CMTM4: variants seen among roughly 807,000 people sequenced by gnomAD.
CMTM4 encodes the protein CKLF-like MARVEL transmembrane domain-containing protein 4.
A neutral mutation model predicts 19.0 loss-of-function variants in CMTM4; 8 were observed. The observed-to-expected ratio is 0.42, with a 90% CI of 0.25 to 0.76. The LOEUF (loss-of-function observed/expected upper bound fraction) is 0.76. CMTM4 is among the 30% of genes least tolerant of loss of function. The pLI is 0.27. For missense variants in CMTM4, 228 were observed against 290.2 expected, an observed-to-expected ratio of 0.79 and a Z score of 1.56; for synonymous variants, 106 against 121.1, an observed-to-expected ratio of 0.88 and a Z score of 0.82.
downstream of CMTM4, chr16:66,611,150 T>C (rs2015361502): frequency 1.8e-5 from 6 of 326,716 alleles, no homozygotes; most frequent in South Asian, 1.6e-4. Context: ...TCTTGACTTA[T>C]ATGTTAGAAT....
At chr16:66,624,268 C>T (rs2015693121) in intron 2 of CMTM4, among the ~76,000 whole-genome samples, 1 of 152,212 alleles carries the variant, frequency 6.6e-6, no homozygotes, top group African/African-American at 2.4e-5. Context: ...GCTACAGTGG[C>T]CTACATATTT....
chr16:66,613,821 G>A (rs1420081229), downstream of CMTM4: 1 of 152,266 alleles, frequency 6.6e-6, no homozygotes, highest in African/African-American at 2.4e-5. Flanking sequence ...AGTACAAACT[G>A]GTAACACCAA....
chr16:66,675,075 A>ATTT (rs1027116046), intron 1 of CMTM4, among the ~76,000 whole-genome samples: 16 of 142,574 alleles, frequency 1.1e-4, no homozygotes, highest in African/African-American at 3.6e-4. Context: ...ACTTAAAAAA[A>ATTT]TTTTTTTTTT....
intron 1 of CMTM4, among the ~76,000 whole-genome samples, chr16:66,656,929 A>G (rs778234243): frequency 4.6e-5 from 7 of 152,188 alleles, no homozygotes; most frequent in Non-Finnish European, 1.0e-4. Context: ...AAGGCTAAAG[A>G]ACTATCCCAG....
At position 66,696,274 on chromosome 16, in the gene CMTM4, C is replaced by T. The variant is rs2017232939; in HGVS notation, c.186+66G>A. ...CGGGTACGCGGCGGAGGCCCCGCAG[C>T]GGGGCGGGGAGGGAGGCGTGCGGCT... On this transcript the variant is annotated intron_variant, in intron 1 of 3. Coordinates refer to ENST00000394106, the MANE Select transcript of CMTM4 (RefSeq NM_181521.3). This position sits in a 1 kb window ranked among gnomAD's most constrained non-coding sequence, Gnocchi z 4.3. 2 of 1,152,474 alleles carry T rather than the reference C, an allele frequency of 1.7e-6. No homozygotes were observed. The highest frequency in any genetic ancestry group is 1.1e-6 in the Non-Finnish European group (1 of 907,726). The allele number at this position is 1,152,474 out of a possible 1,614,324, so 71.4% of individuals were successfully genotyped here.
At chr16:66,628,899 T>C (rs1596908497) in intron 2 of CMTM4, among the ~76,000 whole-genome samples, 1 of 152,378 alleles carries the variant, frequency 6.6e-6, no homozygotes, top group East Asian at 1.9e-4. Flanking sequence ...TTATTATAGA[T>C]AATGTAGCTA....
Position 66,621,559 on chromosome 16 carries a change from C to T in CMTM4, c.*499G>A. The T allele has an allele frequency of 1.0e-6, 1 of 988,920 alleles. No individual in the cohort carries two copies. The highest frequency in any genetic ancestry group is 1.2e-6 in the Non-Finnish European group (1 of 831,722). The allele number at this position is 988,920 out of a possible 1,614,324, so 61.3% of individuals were successfully genotyped here. On this transcript the variant is annotated 3_prime_UTR_variant, in exon 4 of 4. Transcript: ENST00000394106. ...CAGCCCTGTGGCCTTTGGGCTGGTG[C>T]TGGCTGCCTGGGGGCCCTGGCATGG...
intron 1 of CMTM4, among the ~76,000 whole-genome samples, chr16:66,690,794 C>T (rs1206445621): frequency 6.6e-6 from 1 of 152,138 alleles, no homozygotes; most frequent in African/African-American, 2.4e-5. Flanking sequence ...TCAAAATCAG[C>T]TGAGCTAAAA....
rs35127974 is a variant in CMTM4 at position 66,680,773 on chromosome 16, CAAAAAAAAAAAAA to C, written c.186+15554_186+15566del. 2.5e-4 allele frequency among the ~76,000 whole-genome samples: 8 copies of C among 32,284 alleles called. No individual in the cohort carries two copies. The East Asian group carries it at 5.4e-3, about 22-fold the overall frequency. The allele number at this position is 32,284 out of a possible 152,430, so 21.2% of individuals were successfully genotyped here. A position where few individuals can be genotyped will look rare whatever the true frequency, so the allele number is the denominator to read the frequency against. On this transcript the variant is annotated intron_variant, in intron 1 of 3. Transcript: ENST00000394106. ...TGGGCAACAGAGCAAGACTCCGTCT[CAAAAAAAAAAAAA>C]AAAAAAAAAAAAAACCATAATGGCC...
At chr16:66,641,194 A>G (rs1235560629) in intron 1 of CMTM4, among the ~76,000 whole-genome samples, 1 of 152,118 alleles carries the variant, frequency 6.6e-6, no homozygotes, top group East Asian at 1.9e-4. Context: ...ACAGGGGCAC[A>G]CCACCATGCC....
chr16:66,642,260 T>A (rs2016109141), intron 1 of CMTM4, among the ~76,000 whole-genome samples: 1 of 152,162 alleles, frequency 6.6e-6, no homozygotes, highest in Admixed American at 6.5e-5. Flanking sequence ...AACCTTGAAG[T>A]GAGCAAATGT....
intron 2 of CMTM4, among the ~76,000 whole-genome samples, chr16:66,632,374 G>A (rs377504728): frequency 2.6e-4 from 39 of 152,302 alleles, no homozygotes; most frequent in African/African-American, 8.9e-4. Flanking sequence ...TGGTGGACTG[G>A]GGGAAGGGGC....
At position 66,674,732 on chromosome 16, in the gene CMTM4, C is replaced by CTTTTT. The variant is rs771044359; in HGVS notation, c.186+21603_186+21607dup. On this transcript the variant is annotated intron_variant, in intron 1 of 3. Transcript: ENST00000394106. ...CAAGTGCTGAAAGGTGTTACATATTCTTTTTTTTTTTTTTTTTTTTTTTTT... is the reference window on the plus strand; with the variant it reads ...CAAGTGCTGAAAGGTGTTACATATTCTTTTTTTTTTTTTTTTTTTTTTTTTTTTTT... Among the ~76,000 whole-genome samples the CTTTTT allele has an allele frequency of 1.1e-3, 106 of 92,484 alleles. 8 individuals are homozygous for CTTTTT. The highest frequency in any genetic ancestry group is 8.2e-3 in the South Asian group (21 of 2,550). 60.7% of individuals were successfully genotyped at this position (92,484 alleles called of 152,430 possible).
chr16:66,608,144 C>A, the CMTM4 span, among the ~76,000 whole-genome samples: 1 of 152,214 alleles, frequency 6.6e-6, no homozygotes, highest in Non-Finnish European at 1.5e-5. This position sits in a 1 kb window ranked among gnomAD's most constrained non-coding sequence, Gnocchi z 5.1. Context: ...CTGTGCTTGG[C>A]CTGGGATTCT....
chr16:66,629,003 G>T (rs183237155), intron 2 of CMTM4, among the ~76,000 whole-genome samples: 3 of 151,896 alleles, frequency 2.0e-5, no homozygotes, highest in Admixed American at 1.3e-4. Flanking sequence ...AGTTTTTGGG[G>T]TTTTTTTGTT....
At chr16:66,630,387 G>A (rs1449933059) in intron 2 of CMTM4, among the ~76,000 whole-genome samples, 1 of 139,948 alleles carries the variant, frequency 7.1e-6, no homozygotes, top group Non-Finnish European at 1.5e-5. Context: ...CTCTGATGCC[G>A]AGCCGAAGCT....
At chr16:66,675,703 A>G (rs1207387628) in intron 1 of CMTM4, among the ~76,000 whole-genome samples, 1 of 152,004 alleles carries the variant, frequency 6.6e-6, no homozygotes, top group Non-Finnish European at 1.5e-5. Flanking sequence ...GTGACTCCTC[A>G]GCCATCTTTG....
chr16:66,599,570 A>G, the CMTM4 span, among the ~76,000 whole-genome samples: 10 of 152,250 alleles, frequency 6.6e-5, no homozygotes, highest in Non-Finnish European at 1.3e-4. Flanking sequence ...ATCACAGATC[A>G]CTGTAACCTG....
At chr16:66,643,300 C>A (rs1387033573) in intron 1 of CMTM4, among the ~76,000 whole-genome samples, 2 of 152,156 alleles carry the variant, frequency 1.3e-5, no homozygotes, top group East Asian at 3.9e-4. Flanking sequence ...GCCGGTTCCA[C>A]GTGTGGTTAA....
Sources: gnomAD v4.1 joint callset for allele counts (sites outside exome capture counted in the v4.1 genomes callset) on GRCh38, gnomAD v4.1.1 for gene constraint, Gnocchi (gnomAD v3.1) non-coding constraint, MANE v1.5 for transcripts, NCBI Gene and HGNC (gene_info 2026-07-23, HGNC 2026-07-21) for gene names.